Variants in SLIT2 observed in about 807,000 individuals in gnomAD.
SLIT2 encodes the protein slit homolog 2 protein.
SLIT2 carries 41 observed loss-of-function variants against 185.7 expected under a neutral mutation model. The observed-to-expected ratio is 0.22, with a 90% CI of 0.17 to 0.29. The LOEUF is 0.29. SLIT2 is among the 10% of genes least tolerant of loss of function. SLIT2 has a pLI of 1.00. For synonymous variants in SLIT2, 693 were observed against 680.2 expected (o/e 1.02, Z -0.29); for missense variants, 1,571 against 1,909.0 (o/e 0.82, Z 3.30).
chr4:20,530,686 T>C (rs1191244281), intron 16 of SLIT2, among the ~76,000 whole-genome samples: 1 of 152,128 alleles, frequency 6.6e-6, no homozygotes, highest in East Asian at 1.9e-4. Context: ...TTATAATTTT[T>C]TTAATTATAT....
chr4:20,343,802 T>TAAA (rs34514669), intron 4 of SLIT2, among the ~76,000 whole-genome samples: 1,504 of 130,560 alleles, frequency 0.012, 42 homozygotes, highest in African/African-American at 0.037. Flanking sequence ...TCCTTAAAAC[T>TAAA]AAAAAAAAAA....
At chr4:20,491,972 C>A in intron 9 of SLIT2, 73 bp downstream of exon 9, 2 of 1,505,296 alleles carry the variant, frequency 1.3e-6, no homozygotes, top group African/African-American at 1.4e-5. Context: ...TTGGGAAATT[C>A]TGAGTTTATC....
intron 12 of SLIT2, among the ~76,000 whole-genome samples, chr4:20,521,607 T>A (rs1720845187): frequency 6.6e-6 from 1 of 152,152 alleles, no homozygotes; most frequent in African/African-American, 2.4e-5. Flanking sequence ...CAGCATTACT[T>A]GAGTTGTGGC....
intron 8 of SLIT2, chr4:20,489,995 G>A (rs1229484461): frequency 1.3e-5 from 2 of 152,306 alleles, no homozygotes; most frequent in Admixed American, 6.5e-5. Context: ...GGCTGAGGCA[G>A]GAGAATGGCG....
Position 20,253,657 on chromosome 4 carries a change from C to A in SLIT2, c.-159C>A. 6.3e-6 allele frequency: 5 copies of A among 788,992 alleles called. No homozygotes were observed. Among genetic ancestry groups the A allele is most frequent in the Non-Finnish European group, 9.9e-6 (5 of 503,452 alleles). The allele number at this position is 788,992 out of a possible 1,614,324, so 48.9% of individuals were successfully genotyped here. On this transcript the variant is annotated 5_prime_UTR_variant, in exon 1 of 37. Coordinates refer to ENST00000504154, the MANE Select transcript of SLIT2 (RefSeq NM_004787.4). ...GGTGGGAGGCGTGTGCCTGAGTGGG[C>A]TCTACTGCCTTGTTCCATATTATTT...
intron 8 of SLIT2, among the ~76,000 whole-genome samples, chr4:20,490,512 T>C (rs943459136): frequency 6.6e-6 from 1 of 152,112 alleles, no homozygotes; most frequent in Non-Finnish European, 1.5e-5. Context: ...CTGTTCAAAA[T>C]ACAACAAAAC....
chr4:20,516,062 G>A (rs527538843), intron 11 of SLIT2, among the ~76,000 whole-genome samples: 3 of 152,182 alleles, frequency 2.0e-5, no homozygotes, highest in Non-Finnish European at 2.9e-5. Flanking sequence ...TGATCCGGCC[G>A]CCTGGGCCTC....
At chr4:20,394,673 T>G (rs1226324937) in intron 4 of SLIT2, 1 of 152,232 alleles carries the variant, frequency 6.6e-6, no homozygotes, top group South Asian at 2.1e-4. Context: ...AAAGCCATTC[T>G]GTGTTACTGT....
chr4:20,287,156 A>G (rs558435324), intron 4 of SLIT2, among the ~76,000 whole-genome samples: 2 of 152,088 alleles, frequency 1.3e-5, no homozygotes, highest in Non-Finnish European at 2.9e-5. Flanking sequence ...TTCAGGAGTG[A>G]CTCAAGGAAG....
intron 4 of SLIT2, among the ~76,000 whole-genome samples, chr4:20,294,348 C>CAAA (rs34046519): frequency 4.9e-5 from 6 of 123,526 alleles, no homozygotes; most frequent in African/African-American, 1.6e-4. Flanking sequence ...GACTCTGTCT[C>CAAA]AAAAAAAAAA....
intron 4 of SLIT2, among the ~76,000 whole-genome samples, chr4:20,457,713 G>A (rs570689595): frequency 6.6e-6 from 1 of 152,220 alleles, no homozygotes; most frequent in Admixed American, 6.5e-5. Flanking sequence ...CTTCTTGAGA[G>A]CAGAGACTAT....
At chr4:20,596,260 A>C (rs945499185) in intron 31 of SLIT2, among the ~76,000 whole-genome samples, 155 bp from the exon 32 acceptor site, 16 of 152,210 alleles carry the variant, frequency 1.1e-4, no homozygotes, top group Non-Finnish European at 2.2e-4. Flanking sequence ...TGTACAGCAC[A>C]GTGATGATTT....
chr4:20,529,428 C>T (rs1577864163), intron 16 of SLIT2, among the ~76,000 whole-genome samples: 1 of 151,998 alleles, frequency 6.6e-6, no homozygotes, highest in East Asian at 1.9e-4. Context: ...TAGTTTTTAA[C>T]GTATTTAATT....
rs774120612 is a variant in SLIT2 at position 20,539,607 on chromosome 4, A to G, written c.1976+23A>G. 3.3e-6 allele frequency: 5 copies of G among 1,519,540 alleles called. 1 individual carries two copies. In the South Asian group the frequency reaches 4.8e-5, roughly 15 times the overall value. The allele number at this position is 1,519,540 out of a possible 1,614,324, so 94.1% of individuals were successfully genotyped here. ...TCTGTAAGTATGAAAAATAGCCCTTATGTATTACTTGAGCCATTTATTATA... is the reference window on the plus strand; with the variant it reads ...TCTGTAAGTATGAAAAATAGCCCTTGTGTATTACTTGAGCCATTTATTATA... On this transcript the variant is annotated intron_variant, in intron 19 of 36. Coordinates refer to ENST00000504154, the MANE Select transcript of SLIT2 (RefSeq NM_004787.4).
chr4:20,539,380 A>G, intron 18 of SLIT2, 61 bp from the exon 19 acceptor site: 24 of 1,396,718 alleles, frequency 1.7e-5, no homozygotes, highest in Admixed American at 2.0e-5. Flanking sequence ...CGATCCTCAG[A>G]TAGGCAAAAT....
intron 33 of SLIT2, among the ~76,000 whole-genome samples, chr4:20,598,641 GGA>G (rs751642818): frequency 2.0e-5 from 3 of 152,060 alleles, no homozygotes; most frequent in African/African-American, 7.2e-5. Context: ...ACCTGGGGCT[GGA>G]AACAAGGGAT....
intron 9 of SLIT2, among the ~76,000 whole-genome samples, chr4:20,493,295 G>T (rs992916145): frequency 1.3e-5 from 2 of 152,084 alleles, no homozygotes; most frequent in African/African-American, 4.8e-5. Flanking sequence ...GATTACTGAA[G>T]ATGTTGACAC....
Position 20,542,506 on chromosome 4 carries a change from A to G in SLIT2, c.2156A>G (p.Asn719Ser), listed in dbSNP as rs368141367. 9.3e-6 allele frequency: 15 copies of G among 1,613,590 alleles called. No individual in the cohort carries two copies. The highest frequency in any genetic ancestry group is 6.7e-5 in the East Asian group (3 of 44,868). The part of the protein sequence containing the change: ...DFTCDDGNDD[N>S]SCSPLSRCPT... ...CTCTGCGATTTAGGAAATGATGACA[A>G]TAGTTGCTCCCCACTTTCTCGCTGT... Residue 719 changes from asparagine to serine, a missense_variant, in exon 21 of 37, where the codon AAT becomes AGT. Asn to Ser is a conservative substitution (Grantham distance 46). Transcript: ENST00000504154.
chr4:20,263,832 A>G (rs939890589), intron 3 of SLIT2, among the ~76,000 whole-genome samples: 1 of 151,886 alleles, frequency 6.6e-6, no homozygotes, highest in Non-Finnish European at 1.5e-5. Flanking sequence ...GCATTTCAAC[A>G]TACCTCTCAT....
Sources: allele counts gnomAD v4.1 joint callset (sites outside exome capture counted in the v4.1 genomes callset), GRCh38; gene constraint gnomAD v4.1.1; transcripts MANE v1.5; gene names NCBI Gene and HGNC (gene_info 2026-07-23, HGNC 2026-07-21).